The following UTRN variants were observed in gnomAD, a reference collection of about 807,000 sequenced individuals.
UTRN encodes the protein utrophin.
In UTRN, 283 loss-of-function variants were observed where a neutral mutation model predicts 463.9. The ratio of observed to expected loss-of-function variants is 0.61; its 90% confidence interval spans 0.55 to 0.67. The LOEUF is 0.67. UTRN is among the 30% of genes least tolerant of loss of function. The pLI, the probability that UTRN is intolerant of heterozygous loss-of-function variation, is 0.00. For synonymous variants in UTRN, 1,442 were observed against 1,431.5 expected, an observed-to-expected ratio of 1.01 and a Z score of -0.17; for missense variants, 3,922 against 4,084.3, an observed-to-expected ratio of 0.96 and a Z score of 1.08.
chr6:144,493,489 G>GTCTCTC, intron 33 of UTRN, 33 bp downstream of exon 33: 1 of 1,510,666 alleles, frequency 6.6e-7, no homozygotes, highest in South Asian at 1.2e-5. Context: ...TCATCTCTCT[G>GTCTCTC]TCTCTCTCTC....
intron 2 of UTRN, among the ~76,000 whole-genome samples, chr6:144,359,330 T>G (rs1391924950): frequency 6.6e-6 from 1 of 152,200 alleles, no homozygotes; most frequent in African/African-American, 2.4e-5. Flanking sequence ...CACTCCCAGC[T>G]GAGAACCCCT....
intron 58 of UTRN, among the ~76,000 whole-genome samples, chr6:144,766,237 A>T (rs1030865858): frequency 2.6e-5 from 4 of 152,098 alleles, no homozygotes; most frequent in African/African-American, 9.7e-5. Context: ...AAGGACTGAA[A>T]AGATTATAAA....
chr6:144,786,784 A>G (rs973725084), intron 61 of UTRN, among the ~76,000 whole-genome samples: 2 of 152,156 alleles, frequency 1.3e-5, no homozygotes, highest in Non-Finnish European at 2.9e-5. Context: ...GGCAGCCACA[A>G]TGATCTTGTA....
intron 63 of UTRN, among the ~76,000 whole-genome samples, chr6:144,796,257 C>T (rs566577384): frequency 1.3e-5 from 2 of 152,092 alleles, no homozygotes; most frequent in South Asian, 4.2e-4. Context: ...TCTTGGGCCT[C>T]TTTTATAAGG....
intron 51 of UTRN, among the ~76,000 whole-genome samples, chr6:144,631,214 A>AGTGTGTGTGTGTGAGAGAGAGAGGTGTGT (rs1776473390): frequency 7.0e-6 from 1 of 142,396 alleles, no homozygotes; most frequent in African/African-American, 2.6e-5. Flanking sequence ...AGAGAGAGTG[A>AGTGTGTGTGTGTGAGAGAGAGAGGTGTGT]GTGTGTGTGT....
intron 68 of UTRN, among the ~76,000 whole-genome samples, chr6:144,828,532 T>C (rs1780388382): frequency 1.3e-5 from 2 of 152,150 alleles, no homozygotes; most frequent in African/African-American, 4.8e-5. Flanking sequence ...AGCCTAGGTC[T>C]GGGAGCTCAA....
chr6:144,421,709 A>C (rs1784848527), intron 3 of UTRN, among the ~76,000 whole-genome samples, 169 bp from the exon 4 acceptor site: 1 of 136,346 alleles, frequency 7.3e-6, no homozygotes, highest in African/African-American at 3.7e-5. Context: ...TAATTAATTA[A>C]AATAAATAAA....
intron 7 of UTRN, among the ~76,000 whole-genome samples, chr6:144,428,514 T>C (rs1198758560): frequency 6.6e-6 from 1 of 151,854 alleles, no homozygotes; most frequent in Non-Finnish European, 1.5e-5. Context: ...AAACATTATA[T>C]ACTACTTCTA....
chr6:144,758,199 T>G, intron 58 of UTRN: 1 of 378,534 alleles, frequency 2.6e-6, no homozygotes, highest in Non-Finnish European at 4.7e-6. Context: ...TGTGTTTAGC[T>G]GATATATTTT....
At position 144,836,593 on chromosome 6, in the gene UTRN, C is replaced by T. The variant is rs1193624862; in HGVS notation, c.10065+52C>T. On this transcript the variant is annotated intron_variant, in intron 71 of 74. Coordinates refer to ENST00000367545, the MANE Select transcript of UTRN (RefSeq NM_007124.3). ...ACCTCCCCAGGCCATCTGTCCACTG[C>T]CCTGGGAGATGATGGTCCAGGTGTC... 1.9e-6 allele frequency: 3 copies of T among 1,598,404 alleles called. No individual in the cohort carries two copies. The South Asian group carries it at 3.3e-5, about 18-fold the overall frequency.
chr6:144,837,424 G>A (rs1781194667), intron 71 of UTRN, among the ~76,000 whole-genome samples: 1 of 152,246 alleles, frequency 6.6e-6, no homozygotes, highest in Admixed American at 6.5e-5. Flanking sequence ...GAATAGGAGT[G>A]ATGTCTCAGA....
intron 48 of UTRN, among the ~76,000 whole-genome samples, chr6:144,553,932 A>AAAAG (rs1449491780): frequency 3.2e-3 from 485 of 151,932 alleles, no homozygotes; most frequent in Non-Finnish European, 5.8e-3. Flanking sequence ...AAAAAAAAAA[A>AAAAG]AAGTTTCCTT....
rs551125834 is a variant in UTRN, at chr6:144,532,443, G to C, written c.6058-642G>C. On this transcript the variant is annotated intron_variant, in intron 42 of 74. Transcript: ENST00000367545. ...TATGGCGGCAGGAGAGAGAAGTGCT[G>C]AGCAAAGTGGGGGAAAAGTCCCTTA... is the stretch of plus-strand genomic sequence containing the variant. Among the ~76,000 whole-genome samples, 26 of 152,158 alleles carry C rather than the reference G, an allele frequency of 1.7e-4. 1 individual carries two copies. The highest frequency in any genetic ancestry group is 3.1e-4 in the Non-Finnish European group (21 of 68,032).
chr6:144,537,736 TC>T lies in UTRN; in HGVS notation c.6369+20del. On this transcript the variant is annotated intron_variant, in intron 44 of 74. Transcript: ENST00000367545. The stretch of plus-strand genomic sequence containing the variant: ...ATTAAGAGTAAGTTGTTTATTTCTG[TC>T]TATATGCCTTTTGGTGCCCGAACAT... 1.2e-6 allele frequency: 2 copies of T among 1,604,580 alleles called. No homozygotes were observed. The highest frequency in any genetic ancestry group is 1.7e-6 in the Non-Finnish European group (2 of 1,176,018).
At chr6:144,673,515 T>A (rs1781267764) in intron 51 of UTRN, among the ~76,000 whole-genome samples, 1 of 152,136 alleles carries the variant, frequency 6.6e-6, no homozygotes. Context: ...AATCCTTTAC[T>A]TTGAATTTTT....
chr6:144,510,420 T>A (rs1353201153), intron 34 of UTRN, among the ~76,000 whole-genome samples: 1 of 152,228 alleles, frequency 6.6e-6, no homozygotes, highest in African/African-American at 2.4e-5. Flanking sequence ...AATGTTTTTT[T>A]GTAATGTTTA....
At chr6:144,723,106 A>T (rs1787389541) in intron 53 of UTRN, among the ~76,000 whole-genome samples, 1 of 152,252 alleles carries the variant, frequency 6.6e-6, no homozygotes, top group Non-Finnish European at 1.5e-5. Context: ...TGAGGAAGAC[A>T]GAGTGAATCC....
intron 2 of UTRN, among the ~76,000 whole-genome samples, chr6:144,308,358 A>T (rs1332204433): frequency 1.3e-5 from 2 of 152,094 alleles, no homozygotes; most frequent in Non-Finnish European, 2.9e-5. Flanking sequence ...TTTTTTCGGT[A>T]CTAGCATGGC....
chr6:144,300,521 A>C (rs1420665962), intron 2 of UTRN, among the ~76,000 whole-genome samples: 1 of 152,162 alleles, frequency 6.6e-6, no homozygotes, highest in East Asian at 1.9e-4. Context: ...TTAATCTTTT[A>C]CCTCTTTGAA....
Sources: gnomAD v4.1 joint callset for allele counts (sites outside exome capture counted in the v4.1 genomes callset) on GRCh38, gnomAD v4.1.1 for gene constraint, MANE v1.5 for transcripts, NCBI Gene and HGNC (gene_info 2026-07-23, HGNC 2026-07-21) for gene names.